The following NRG3 variants were observed in gnomAD, a reference collection of about 807,000 sequenced individuals.
The protein encoded by NRG3 is neuregulin 3.
In NRG3, 31 loss-of-function variants were observed where a neutral mutation model predicts 66.9. The observed-to-expected ratio is 0.46, with a 90% CI of 0.35 to 0.63. The LOEUF is 0.63. Ranked by LOEUF, NRG3 falls within the 20% of genes least tolerant of loss-of-function variation. NRG3 has a pLI of 0.00. For missense variants in NRG3, 910 were observed against 878.9 expected (o/e 1.04, Z -0.45); for synonymous variants, 393 against 359.4 (o/e 1.09, Z -1.06).
intron 2 of NRG3, among the ~76,000 whole-genome samples, chr10:82,713,291 C>G (rs2056786811): frequency 1.3e-5 from 2 of 152,040 alleles, no homozygotes; most frequent in Admixed American, 6.6e-5. Context: ...AAAGGATCAT[C>G]TGACTTTTAA....
chr10:82,322,298 A>C (rs1234684289), intron 1 of NRG3, among the ~76,000 whole-genome samples: 1 of 152,186 alleles, frequency 6.6e-6, no homozygotes, highest in East Asian at 1.9e-4. Flanking sequence ...GGTTTTTAAA[A>C]ATTCCTTTTT....
At chr10:82,651,809 A>T (rs1171110031) in intron 2 of NRG3, among the ~76,000 whole-genome samples, 1 of 152,234 alleles carries the variant, frequency 6.6e-6, no homozygotes, top group Non-Finnish European at 1.5e-5. Context: ...CCCAAATATC[A>T]GTAGTTCCAA....
intron 1 of NRG3, among the ~76,000 whole-genome samples, chr10:82,040,258 T>A (rs1027857367): frequency 6.6e-6 from 1 of 152,070 alleles, no homozygotes; most frequent in Non-Finnish European, 1.5e-5. Context: ...GGAGGAACTT[T>A]CAGTATTTTT....
intron 1 of NRG3, among the ~76,000 whole-genome samples, chr10:81,937,784 T>G (rs1033638532): frequency 3.9e-5 from 6 of 152,306 alleles, no homozygotes; most frequent in Non-Finnish European, 8.8e-5. Context: ...TATTGCTGCC[T>G]GTGCTTTTGG....
intron 1 of NRG3, among the ~76,000 whole-genome samples, chr10:81,979,150 C>T (rs887853788): frequency 9.7e-5 from 14 of 144,988 alleles, no homozygotes; most frequent in African/African-American, 3.6e-4. Context: ...GATTGTGCCA[C>T]TGCACTCCAG....
At chr10:82,289,157 C>T (rs1161335624) in intron 1 of NRG3, among the ~76,000 whole-genome samples, 1 of 152,152 alleles carries the variant, frequency 6.6e-6, no homozygotes, top group Non-Finnish European at 1.5e-5. Context: ...TTCTCTAACT[C>T]TTTGCTTTAG....
At chr10:82,556,944 A>T (rs963535523) in intron 2 of NRG3, among the ~76,000 whole-genome samples, 1 of 152,126 alleles carries the variant, frequency 6.6e-6, no homozygotes. Context: ...CTCCAACTCC[A>T]TCCATGTTCC....
rs184915237 is a variant in NRG3, at chr10:82,616,698, T to A, written c.954-121879T>A. Reference sequence around the variant, plus strand: ...GTATTTGTTAAAAACTGTATCATAATACGTAATGTCTGACATCAAGAGATC... The same window carrying A: ...GTATTTGTTAAAAACTGTATCATAAAACGTAATGTCTGACATCAAGAGATC... On this transcript the variant is annotated intron_variant, in intron 2 of 8. Transcript: ENST00000372141. Among the ~76,000 whole-genome samples the A allele has an allele frequency of 3.8e-4, 58 of 152,330 alleles. 2 individuals carry two copies. In the East Asian group the frequency reaches 4.8e-3, roughly 13 times the overall value.
rs61261285 is a variant in NRG3, at chr10:82,442,784, A to ATTTTTTTTTTTTTTTTTTT, written c.953+83929_953+83947dup. The stretch of plus-strand genomic sequence containing the variant: ...CACCAAAGATCTTATTTCTGTGTGG[A>ATTTTTTTTTTTTTTTTTTT]TTTTTTTTTTTTTTTTTTTTTTTTT... On this transcript the variant is annotated intron_variant, in intron 2 of 8. Coordinates refer to ENST00000372141, the MANE Select transcript of NRG3 (RefSeq NM_001010848.4). Among the ~76,000 whole-genome samples the ATTTTTTTTTTTTTTTTTTT allele has an allele frequency of 1.7e-4, 9 of 54,274 alleles. 1 individual carries two copies. The highest frequency in any genetic ancestry group is 5.5e-4 in the African/African-American group (6 of 11,008). 35.6% of individuals were successfully genotyped at this position (54,274 alleles called of 152,430 possible).
chr10:82,137,000 T>C lies in NRG3; in HGVS notation c.824-221739T>C, dbSNP rs537248780. Among the ~76,000 whole-genome samples, 302 of 152,326 alleles carry C rather than the reference T, an allele frequency of 2.0e-3. 3 individuals are homozygous for C. The highest frequency in any genetic ancestry group is 4.6e-4 in the Non-Finnish European group (31 of 68,030). ...CTCTTCAGTACCTCTTTCATTAATA[T>C]GATGTCAAAACAAGGTACTGTGATT... On this transcript the variant is annotated intron_variant, in intron 1 of 8. Coordinates refer to ENST00000372141, the MANE Select transcript of NRG3 (RefSeq NM_001010848.4).
chr10:82,260,930 A>G (rs2077992109), intron 1 of NRG3, among the ~76,000 whole-genome samples: 1 of 152,134 alleles, frequency 6.6e-6, no homozygotes, highest in African/African-American at 2.4e-5. Flanking sequence ...TTGAAATGTA[A>G]TCACCAATGC....
chr10:82,366,173 G>T (rs1006018055), intron 2 of NRG3, among the ~76,000 whole-genome samples: 1 of 152,024 alleles, frequency 6.6e-6, no homozygotes, highest in Non-Finnish European at 1.5e-5. Flanking sequence ...TCTAATAGTT[G>T]CCCCAAAAGG....
chr10:82,816,606 C>G (rs1215977887), intron 3 of NRG3, among the ~76,000 whole-genome samples: 1 of 151,944 alleles, frequency 6.6e-6, no homozygotes, highest in Non-Finnish European at 1.5e-5. Context: ...ACCTGGAATT[C>G]CACCTGAAGG....
chr10:81,887,993 G>GA (rs1199592045), intron 1 of NRG3, among the ~76,000 whole-genome samples: 4 of 152,152 alleles, frequency 2.6e-5, no homozygotes, highest in Admixed American at 1.3e-4. Context: ...ATACTAACTT[G>GA]AAAAAATAAG....
intron 2 of NRG3, among the ~76,000 whole-genome samples, chr10:82,521,861 A>G (rs1846221416): frequency 6.6e-6 from 1 of 152,088 alleles, no homozygotes; most frequent in Non-Finnish European, 1.5e-5. Context: ...AACAATGGTC[A>G]CAGAGTCTTC....
In NRG3 at chr10:82,844,100, A is replaced by G. The variant is rs77144590; in HGVS notation, c.1028-21311A>G. The stretch of plus-strand genomic sequence containing the variant: ...CATAAATAGCTGGGAATTTAAATGA[A>G]ATTCCTGCATATTAGCAAAGAAAAA... On this transcript the variant is annotated intron_variant, in intron 3 of 8. Coordinates refer to ENST00000372141, the MANE Select transcript of NRG3 (RefSeq NM_001010848.4). Among the ~76,000 whole-genome samples, 132 of 152,306 alleles carry G rather than the reference A, an allele frequency of 8.7e-4. 1 individual carries two copies. The East Asian group carries it at 0.023, about 26-fold the overall frequency.
At chr10:82,114,380 T>C (rs1478026079) in intron 1 of NRG3, among the ~76,000 whole-genome samples, 1 of 152,176 alleles carries the variant, frequency 6.6e-6, no homozygotes, top group African/African-American at 2.4e-5. Context: ...GAGGAAAGTC[T>C]CTTGGAGAGA....
At chr10:82,681,305 T>A (rs2054096619) in intron 2 of NRG3, among the ~76,000 whole-genome samples, 1 of 152,244 alleles carries the variant, frequency 6.6e-6, no homozygotes, top group East Asian at 1.9e-4. Flanking sequence ...TCCTCATTTG[T>A]AAACTGGAGA....
chr10:82,566,648 A>C (rs1424765995), intron 2 of NRG3, among the ~76,000 whole-genome samples: 1 of 152,034 alleles, frequency 6.6e-6, no homozygotes, highest in African/African-American at 2.4e-5. Flanking sequence ...TGACGAACTT[A>C]GATTTGAAAA....
Sources: allele counts gnomAD v4.1 joint callset (sites outside exome capture counted in the v4.1 genomes callset), GRCh38; gene constraint gnomAD v4.1.1; transcripts MANE v1.5; gene names NCBI Gene and HGNC (gene_info 2026-07-23, HGNC 2026-07-21).